TG: variants seen among roughly 807,000 people sequenced by gnomAD.
The protein encoded by TG is thyroid hormones.
A neutral mutation model predicts 324.7 loss-of-function variants in TG; 270 were observed. That is an observed-to-expected ratio of 0.83 (90% CI 0.75 to 0.92). The LOEUF is 0.92. Among genes scored for constraint, TG ranks in the 40% least tolerant of loss-of-function variants. TG has a pLI of 0.00. For synonymous variants in TG, 1,401 were observed against 1,327.0 expected (o/e 1.06, Z -1.21); for missense variants, 3,591 against 3,456.4 (o/e 1.04, Z -0.98).
chr8:132,901,487 T>C lies in TG; in HGVS notation c.3568T>C (p.Cys1190Arg). Reference protein sequence around the residue: ...QCDQAQGSCWCVMDSGEEVPG... With the variant: ...QCDQAQGSCWRVMDSGEEVPG... ...TGACCAGGCCCAGGGCAGCTGCTGGTGTGTCATGGACAGCGGAGAAGAGGT... is the reference window on the plus strand; with the variant it reads ...TGACCAGGCCCAGGGCAGCTGCTGGCGTGTCATGGACAGCGGAGAAGAGGT... Residue 1190 changes from cysteine to arginine, a missense_variant, in exon 16 of 48, where the codon TGT (cysteine) becomes CGT (arginine). By Grantham distance (180) the Cys-to-Arg change is radical. Coordinates refer to ENST00000220616, the MANE Select transcript of TG (RefSeq NM_003235.5). The C allele has an allele frequency of 1.2e-6, 2 of 1,614,126 alleles. No homozygotes were observed. Among genetic ancestry groups the C allele is most frequent in the Non-Finnish European group, 1.7e-6 (2 of 1,180,040 alleles).
intron 16 of TG, among the ~76,000 whole-genome samples, chr8:132,902,829 G>A (rs777981921): frequency 6.6e-6 from 1 of 152,218 alleles, no homozygotes; most frequent in Non-Finnish European, 1.5e-5. Context: ...TAGGAAGACT[G>A]TATGTGGCTT....
intron 40 of TG, among the ~76,000 whole-genome samples, chr8:133,028,193 T>C (rs1587802375): frequency 6.6e-6 from 1 of 152,332 alleles, no homozygotes; most frequent in East Asian, 1.9e-4. Context: ...GACGTCACTT[T>C]TCAGATTTGC....
chr8:133,093,935 C>A (rs746934897), intron 41 of TG, among the ~76,000 whole-genome samples: 4 of 152,114 alleles, frequency 2.6e-5, no homozygotes, highest in Non-Finnish European at 5.9e-5. Context: ...TTGTCGGAGC[C>A]CTCAATCCAC....
At chr8:133,081,383 G>GCTAA (rs1408988972) in intron 41 of TG, among the ~76,000 whole-genome samples, 1 of 152,230 alleles carries the variant, frequency 6.6e-6, no homozygotes, top group East Asian at 1.9e-4. Flanking sequence ...AAGACAATAA[G>GCTAA]CTAACTATGA....
At position 132,901,501 on chromosome 8, in the gene TG, C is replaced by A. The variant is rs765395219; in HGVS notation, c.3582C>A (p.Ser1194Arg). ...AQGSCWCVMD[S>R]GEEVPGTRVT... is the part of the protein sequence containing the mutation. ...GCAGCTGCTGGTGTGTCATGGACAG[C>A]GGAGAAGAGGTGCCTGGGACGCGCG... The change falls in exon 16 of 48, where the codon AGC (serine) becomes AGA (arginine). Residue 1194 changes from serine (S) to arginine (R), a missense_variant. Ser to Arg is a moderately radical substitution (Grantham distance 110). Transcript: ENST00000220616. The A allele has an allele frequency of 1.2e-6, 2 of 1,613,902 alleles. No individual in the cohort carries two copies. The highest frequency in any genetic ancestry group is 1.7e-5 in the Admixed American group (1 of 60,012).
intron 22 of TG, 88 bp downstream of exon 22, chr8:132,923,596 T>C: frequency 7.0e-7 from 1 of 1,438,084 alleles, no homozygotes; most frequent in South Asian, 1.4e-5. Flanking sequence ...AAGCTGGAGG[T>C]GCATTTGTCT....
chr8:132,883,046 C>G lies in TG; in HGVS notation c.1075+47C>G, dbSNP rs750829626. On this transcript the variant is annotated intron_variant, in intron 8 of 47. Transcript: ENST00000220616. The stretch of plus-strand genomic sequence containing the variant: ...CCTCTTTCGGCCTCGGATCATATTA[C>G]TTTGGCGGTCCTCCAGACCAACCTC... The G allele has an allele frequency of 6.3e-6, 10 of 1,591,612 alleles. No homozygotes were observed. The South Asian group carries it at 1.0e-4, about 16-fold the overall frequency.
chr8:133,030,580 A>G (rs1214793142), intron 41 of TG, among the ~76,000 whole-genome samples: 2 of 152,258 alleles, frequency 1.3e-5, no homozygotes, highest in Non-Finnish European at 2.9e-5. Context: ...GGCACATCCA[A>G]TTGGTGCCAG....
intron 41 of TG, chr8:133,040,287 G>C: frequency 1.3e-6 from 1 of 746,122 alleles, no homozygotes; most frequent in South Asian, 1.8e-5. Flanking sequence ...TGACAATGCT[G>C]AAAGTCACGC....
At chr8:132,893,415 GGTGT>G (rs1240583231) in intron 10 of TG, among the ~76,000 whole-genome samples, 8 of 131,158 alleles carry the variant, frequency 6.1e-5, no homozygotes, top group African/African-American at 2.3e-4. Context: ...TGTGTGGTGT[GGTGT>G]GTGTATGTGT....
intron 41 of TG, among the ~76,000 whole-genome samples, chr8:133,062,273 A>G (rs893489302): frequency 6.6e-6 from 1 of 152,204 alleles, no homozygotes; most frequent in African/African-American, 2.4e-5. Flanking sequence ...CCCTGGTAGG[A>G]ACTTTCTAGC....
In TG at chr8:132,900,193, G is replaced by C. The variant is rs369906330; in HGVS notation, c.3331-44G>C. The C allele has an allele frequency of 1.9e-5, 30 of 1,575,578 alleles. No individual in the cohort carries two copies. In the African/African-American group the frequency reaches 3.9e-4, roughly 21 times the overall value. The stretch of plus-strand genomic sequence containing the variant: ...TGCCAGCAGCAGGTTGGCCACTAGA[G>C]CATCTTGCCCACAGTGACTGACATG... On this transcript the variant is annotated intron_variant, in intron 14 of 47. Transcript: ENST00000220616.
At chr8:133,116,111 T>C (rs1197222825) in intron 44 of TG, among the ~76,000 whole-genome samples, 2 of 151,932 alleles carry the variant, frequency 1.3e-5, no homozygotes, top group Non-Finnish European at 2.9e-5. Context: ...GGTGGCAAAA[T>C]CTCGCCTGCT....
intron 43 of TG, among the ~76,000 whole-genome samples, chr8:133,106,989 T>C (rs1172180206): frequency 3.3e-5 from 5 of 152,198 alleles, no homozygotes; most frequent in Admixed American, 6.5e-5. Flanking sequence ...CGGCGTGAAC[T>C]AAAGGGCATT....
chr8:133,079,836 C>T (rs1277509062), intron 41 of TG, among the ~76,000 whole-genome samples: 1 of 152,002 alleles, frequency 6.6e-6, no homozygotes, highest in East Asian at 1.9e-4. Context: ...CAAGGCATGA[C>T]ACTTGGTGCT....
At chr8:132,898,290 G>A (rs550801257) in intron 13 of TG, 44 bp downstream of exon 13, 1 of 1,535,972 alleles carries the variant, frequency 6.5e-7, no homozygotes, top group South Asian at 1.2e-5. Context: ...CCCCTTGGTG[G>A]GCATCACTGG....
At chr8:133,096,519 G>A in intron 43 of TG, 146 bp downstream of exon 43, 1 of 988,502 alleles carries the variant, frequency 1.0e-6, no homozygotes, top group African/African-American at 1.6e-5. Flanking sequence ...AGGTGGTAAT[G>A]GGGGGATTTA....
rs1392781060 is a variant in TG, at chr8:132,966,568, A to C, written c.5557A>C (p.Thr1853Pro). Reference sequence around the variant, plus strand: ...CCCTGCTTCTTTTTCAGGTTTGACAACAGAACTTTTCTCCCCTGTGGACCT... The same window carrying C: ...CCCTGCTTCTTTTTCAGGTTTGACACCAGAACTTTTCTCCCCTGTGGACCT... ...PASPTEAGLT[T>P]ELFSPVDLNQ... Residue 1853 changes from threonine (T) to proline (P), a missense_variant, in exon 30 of 48, where the codon ACA becomes CCA. Thr to Pro is a conservative substitution (Grantham distance 38, BLOSUM62 -1). Transcript: ENST00000220616. The C allele has an allele frequency of 6.2e-7, 1 of 1,613,952 alleles. No homozygotes were observed. The highest frequency in any genetic ancestry group is 1.7e-5 in the Admixed American group (1 of 59,988).
chr8:132,994,071 C>G (rs1832643186), intron 35 of TG, among the ~76,000 whole-genome samples: 1 of 152,136 alleles, frequency 6.6e-6, no homozygotes, highest in Non-Finnish European at 1.5e-5. Flanking sequence ...TGGGTAACTC[C>G]TGACTACATG....
Sources: gnomAD v4.1 joint callset for allele counts (sites outside exome capture counted in the v4.1 genomes callset) on GRCh38, gnomAD v4.1.1 for gene constraint, MANE v1.5 for transcripts, NCBI Gene and HGNC (gene_info 2026-07-23, HGNC 2026-07-21) for gene names.